The following CENPE variants were observed in gnomAD, a reference collection of about 807,000 sequenced individuals.
CENPE encodes centromere-associated protein E.
A neutral mutation model predicts 336.1 loss-of-function variants in CENPE; 145 were observed. The observed-to-expected ratio is 0.43, with a 90% confidence interval of 0.38 to 0.50. CENPE has a LOEUF of 0.50. Among genes scored for constraint, CENPE ranks in the 20% least tolerant of loss-of-function variants. CENPE has a pLI of 0.00. For missense variants in CENPE, 2,719 were observed against 3,023.3 expected (o/e 0.90, Z 2.36); for synonymous variants, 1,013 against 984.8 (o/e 1.03, Z -0.54).
In CENPE at chr4:103,158,721, C is replaced by T; in HGVS notation, c.2767G>A (p.Glu923Lys). Residue 923 changes from glutamate to lysine, a missense_variant, in exon 23 of 49, where the codon GAA becomes AAA. This residue lies in a region of CENPE where 2,437 missense variants were observed against 2,513.3 expected (regional missense o/e 0.97). Transcript: ENST00000265148. ...TTTTCTTGAGTTAAAGTTTTTACTT[C>T]TTCTAAAGTTTGCTGCAGTTTCTCA... Reference protein sequence around the residue: ...ITEKLQQTLEEVKTLTQEKDD... With the variant: ...ITEKLQQTLEKVKTLTQEKDD... The T allele has an allele frequency of 1.2e-6, 2 of 1,612,936 alleles. No homozygotes were observed. Among genetic ancestry groups the T allele is most frequent in the South Asian group, 1.1e-5 (1 of 91,032 alleles).
chr4:103,123,169 G>T, intron 42 of CENPE, 80 bp from the exon 43 acceptor site: 1 of 1,029,616 alleles, frequency 9.7e-7, no homozygotes, highest in Non-Finnish European at 1.5e-6. Context: ...ATTTTCCATG[G>T]TTTCAGTTAC....
At chr4:103,115,493 G>A (rs1037126531) in intron 45 of CENPE, among the ~76,000 whole-genome samples, 21 of 152,038 alleles carry the variant, frequency 1.4e-4, no homozygotes, top group African/African-American at 4.6e-4. Context: ...ATAGATCTAT[G>A]TTTCACTGAA....
At chr4:103,141,630 T>C (rs968312871) in intron 35 of CENPE, 120 bp downstream of exon 35, 1 of 648,982 alleles carries the variant, frequency 1.5e-6, no homozygotes, top group Non-Finnish European at 2.6e-6. Flanking sequence ...GCAGGCTACA[T>C]CCAGCATTAG....
Position 103,163,521 on chromosome 4 carries a change from C to A in CENPE, c.1680G>T (p.Lys560Asn). ...MQLIHEISNL[K>N]NLVKHAEVYN... ...ATACTTCTGCATGCTTAACTAAATT[C>A]TTTAAGTTCGAAATTTCATGAATTA... The change falls in exon 17 of 49, where the codon AAG becomes AAT. Residue 560 changes from lysine to asparagine, a missense_variant. By Grantham distance (94) the Lys-to-Asn change is moderately conservative (BLOSUM62 0). Around this residue, in one of 5 missense-constraint regions of CENPE, gnomAD observed 2,437 missense variants for 2,513.3 expected, o/e 0.97. Coordinates refer to ENST00000265148, the MANE Select transcript of CENPE (RefSeq NM_001813.3). 1 of 1,585,890 alleles carries A rather than the reference C, an allele frequency of 6.3e-7. No individual in the cohort carries two copies. Among genetic ancestry groups the A allele is most frequent in the Non-Finnish European group, 8.6e-7 (1 of 1,168,242 alleles).
At chr4:103,191,226 G>A (rs1463548224) in intron 8 of CENPE, among the ~76,000 whole-genome samples, 3 of 152,188 alleles carry the variant, frequency 2.0e-5, no homozygotes, top group African/African-American at 7.2e-5. Context: ...AGCCATTGTG[G>A]AAGACAGTGT....
At chr4:103,131,742 C>G (rs1156284130) in intron 42 of CENPE, among the ~76,000 whole-genome samples, 1 of 152,072 alleles carries the variant, frequency 6.6e-6, no homozygotes, top group Non-Finnish European at 1.5e-5. Flanking sequence ...CAGGTACATA[C>G]ACACAATGGA....
chr4:103,176,301 A>T (rs1474708247), intron 14 of CENPE, among the ~76,000 whole-genome samples: 1 of 152,202 alleles, frequency 6.6e-6, no homozygotes, highest in Non-Finnish European at 1.5e-5. Context: ...TTAAAAGGAC[A>T]AATTCTGAAT....
At chr4:103,154,800 T>A (rs1753836753) in intron 24 of CENPE, among the ~76,000 whole-genome samples, 1 of 152,166 alleles carries the variant, frequency 6.6e-6, no homozygotes, top group Non-Finnish European at 1.5e-5. Context: ...TATATAAGAA[T>A]AAGCTTACTA....
At chr4:103,162,767 C>T (rs1471713542) in intron 18 of CENPE, among the ~76,000 whole-genome samples, 1 of 151,986 alleles carries the variant, frequency 6.6e-6, no homozygotes, top group African/African-American at 2.4e-5. Flanking sequence ...CTATGTTGCC[C>T]AGGCTGGTCT....
chr4:103,188,985 C>A (rs1181015729), intron 8 of CENPE, among the ~76,000 whole-genome samples: 1 of 152,186 alleles, frequency 6.6e-6, no homozygotes, highest in Non-Finnish European at 1.5e-5. Context: ...CACAGAAATA[C>A]AAACTACCAT....
chr4:103,122,927 T>C lies in CENPE; in HGVS notation c.7087A>G (p.Thr2363Ala), dbSNP rs1750765438. 1.2e-6 allele frequency: 2 copies of C among 1,613,854 alleles called. No homozygotes were observed. The highest frequency in any genetic ancestry group is 1.3e-5 in the African/African-American group (1 of 74,934). ...LASGAQVNPT[T>A]QDNKNPHVTS... ...ACATGAGGATTCTTATTGTCTTGTGTGGTAGGATTAACCTGGGCACCAGAT... is the reference window on the plus strand; with the variant it reads ...ACATGAGGATTCTTATTGTCTTGTGCGGTAGGATTAACCTGGGCACCAGAT... The change falls in exon 43 of 49, where the codon ACA (threonine) becomes GCA (alanine). Residue 2363 changes from threonine (T) to alanine (A), a missense_variant. Physicochemically the swap from Thr to Ala is moderately conservative, Grantham distance 58. This residue lies in a region of CENPE where 2,437 missense variants were observed against 2,513.3 expected (regional missense o/e 0.97). Transcript: ENST00000265148.
intron 16 of CENPE, among the ~76,000 whole-genome samples, chr4:103,169,438 A>G (rs1298289187): frequency 6.6e-6 from 1 of 152,232 alleles, no homozygotes; most frequent in Non-Finnish European, 1.5e-5. Context: ...AAGGTTACCA[A>G]TCAAATTCAA....
chr4:103,131,071 A>G (rs1265382848), intron 42 of CENPE, among the ~76,000 whole-genome samples: 1 of 152,210 alleles, frequency 6.6e-6, no homozygotes, highest in East Asian at 1.9e-4. Context: ...GGCATAATCT[A>G]TGAAAGAAAT....
chr4:103,189,633 G>T (rs919537666), intron 8 of CENPE, among the ~76,000 whole-genome samples: 1 of 152,090 alleles, frequency 6.6e-6, no homozygotes, highest in African/African-American at 2.4e-5. Context: ...GTATTGATGG[G>T]ACGTATCTCA....
chr4:103,154,296 T>C (rs1047949735), intron 24 of CENPE, among the ~76,000 whole-genome samples: 1 of 152,060 alleles, frequency 6.6e-6, no homozygotes, highest in African/African-American at 2.4e-5. Context: ...GTTTTTTTTT[T>C]GTTTTTTTGT....
Position 103,145,330 on chromosome 4 carries a change from T to C in CENPE, c.4577A>G (p.Gln1526Arg), listed in dbSNP as rs921235054. Residue 1526 changes from glutamine to arginine, a missense_variant, in exon 32 of 49, where the codon CAA (glutamine) becomes CGA (arginine). Gln to Arg is a conservative substitution (Grantham distance 43, BLOSUM62 1). Around this residue, in one of 5 missense-constraint regions of CENPE, gnomAD observed 2,437 missense variants for 2,513.3 expected, o/e 0.97. Transcript: ENST00000265148. ...AINDKLQNKI[Q>R]EIYEKEEQFN... is the part of the protein sequence containing the mutation. The stretch of plus-strand genomic sequence containing the variant: ...TTGTTCCTCTTTCTCATAAATCTCT[T>C]GGATCTTAAACATAATTATAAAATA... 6.5e-7 allele frequency: 1 copy of C among 1,527,822 alleles called. No homozygotes were observed. Among genetic ancestry groups the C allele is most frequent in the Admixed American group, 1.8e-5 (1 of 55,602 alleles). The allele number at this position is 1,527,822 out of a possible 1,614,324, so 94.6% of individuals were successfully genotyped here.
In CENPE at chr4:103,163,186, A is replaced by G. The variant is rs1200847482; in HGVS notation, c.1793T>C (p.Ile598Thr). Residue 598 changes from isoleucine (I) to threonine (T), a missense_variant, in exon 18 of 49, where the codon ATA (isoleucine) becomes ACA (threonine). By Grantham distance (89) the Ile-to-Thr change is moderately conservative. This residue lies in a region of CENPE where 2,437 missense variants were observed against 2,513.3 expected (regional missense o/e 0.97). Transcript: ENST00000265148. ...EDQIKKLQEY[I>T]DSQKLENIKM... ...TATATTTTCTAGCTTTTGAGAGTCTATGTATTCCTGTAGCTTCTTAATCTG... is the reference window on the plus strand; with the variant it reads ...TATATTTTCTAGCTTTTGAGAGTCTGTGTATTCCTGTAGCTTCTTAATCTG... 1.9e-6 allele frequency: 3 copies of G among 1,609,190 alleles called. No homozygotes were observed. Among genetic ancestry groups the G allele is most frequent in the Non-Finnish European group, 2.5e-6 (3 of 1,176,576 alleles).
chr4:103,139,902 G>A lies in CENPE; in HGVS notation c.6091C>T (p.Leu2031Phe), dbSNP rs1560617621. 2 of 1,613,226 alleles carry A rather than the reference G, an allele frequency of 1.2e-6. No homozygotes were observed. The highest frequency in any genetic ancestry group is 1.7e-5 in the Admixed American group (1 of 59,978). ...FQLTKKLHES[L>F]EEIRIVAKER... ...TTAGCTACAATTCTTATTTCTTCAA[G>A]GCTTTCATGAAGTTTCTTAGTCAAC... is the stretch of plus-strand genomic sequence containing the variant. Residue 2031 changes from leucine to phenylalanine, a missense_variant, in exon 38 of 49, where the codon CTT becomes TTT. Physicochemically the swap from Leu to Phe is conservative, Grantham distance 22. This residue lies in a region of CENPE where 2,437 missense variants were observed against 2,513.3 expected (regional missense o/e 0.97). Coordinates refer to ENST00000265148, the MANE Select transcript of CENPE (RefSeq NM_001813.3).
At chr4:103,179,921 CAG>C (rs1362742872) in intron 13 of CENPE, among the ~76,000 whole-genome samples, 2 of 152,126 alleles carry the variant, frequency 1.3e-5, no homozygotes, top group Non-Finnish European at 2.9e-5. Flanking sequence ...TTTCTTTCAC[CAG>C]AGTCTACATT....
Sources: gnomAD v4.1 joint callset for allele counts (sites outside exome capture counted in the v4.1 genomes callset) on GRCh38, gnomAD v4.1.1 for gene constraint, gnomAD v4.1.1 regional missense constraint, MANE v1.5 for transcripts, NCBI Gene and HGNC (gene_info 2026-07-23, HGNC 2026-07-21) for gene names.